The following ESRRG variants were observed in gnomAD, a reference collection of about 807,000 sequenced individuals.
ESRRG encodes the protein estrogen-related receptor gamma.
ESRRG carries 13 observed loss-of-function variants against 44.0 expected under a neutral mutation model. The observed-to-expected ratio is 0.30, with a 90% confidence interval of 0.19 to 0.47. ESRRG has a LOEUF of 0.47. Ranked by LOEUF, ESRRG falls within the 20% of genes least tolerant of loss-of-function variation. The pLI is 1.00. For missense variants in ESRRG, 395 were observed against 580.6 expected (o/e 0.68, Z 3.29); for synonymous variants, 215 against 214.6 (o/e 1.00, Z -0.02).
chr1:217,039,638 G>A (rs2083489752), intron 1 of ESRRG, among the ~76,000 whole-genome samples: 1 of 152,120 alleles, frequency 6.6e-6, no homozygotes, highest in Admixed American at 6.5e-5. Context: ...GGGAACCATG[G>A]GAGCCACAAG....
At chr1:216,829,326 C>T (rs7526618) in intron 2 of ESRRG, among the ~76,000 whole-genome samples, 89,561 of 151,872 alleles carry the variant, frequency 0.59, 26,901 homozygotes, top group Non-Finnish European at 0.63. Flanking sequence ...ACCATCAACA[C>T]GAAAGGGCCA....
At chr1:216,774,070 A>G (rs2093492628) in intron 2 of ESRRG, among the ~76,000 whole-genome samples, 1 of 152,146 alleles carries the variant, frequency 6.6e-6, no homozygotes, top group African/African-American at 2.4e-5. Flanking sequence ...ATGCGTTCAC[A>G]GCCATAGAGG....
chr1:217,117,907 C>T (rs1259930824), intron 1 of ESRRG, among the ~76,000 whole-genome samples: 2 of 152,242 alleles, frequency 1.3e-5, no homozygotes, highest in South Asian at 4.1e-4. Context: ...GTATTTAATG[C>T]TTCATCAAAA....
intron 1 of ESRRG, among the ~76,000 whole-genome samples, chr1:216,702,578 C>A (rs2081577283): frequency 1.5e-5 from 2 of 136,426 alleles, no homozygotes; most frequent in Non-Finnish European, 3.1e-5. Context: ...GCCTGGCCAA[C>A]ATGGCAAAAC....
intron 1 of ESRRG, among the ~76,000 whole-genome samples, chr1:217,026,131 A>T (rs2150971182): frequency 6.6e-6 from 1 of 152,268 alleles, no homozygotes; most frequent in South Asian, 2.1e-4. Flanking sequence ...ACTGAGCCCC[A>T]CACAACTTTC....
intron 1 of ESRRG, among the ~76,000 whole-genome samples, chr1:217,047,540 C>T (rs988398239): frequency 1.3e-5 from 2 of 152,122 alleles, no homozygotes; most frequent in African/African-American, 2.4e-5. Flanking sequence ...GTCCAAGCTA[C>T]GAATATCTTT....
At chr1:216,768,484 A>ATCTATCTATCTATCTATCTGTCTG (rs1553593223) in intron 2 of ESRRG, among the ~76,000 whole-genome samples, 4 of 151,664 alleles carry the variant, frequency 2.6e-5, no homozygotes, top group African/African-American at 9.7e-5. Context: ...CTATCTATCT[A>ATCTATCTATCTATCTATCTGTCTG]TCTATCTATC....
chr1:216,934,075 T>A (rs1342039487), intron 2 of ESRRG, among the ~76,000 whole-genome samples: 1 of 152,156 alleles, frequency 6.6e-6, no homozygotes, highest in Non-Finnish European at 1.5e-5. Context: ...TCATCCTTTC[T>A]CCCAACTCTT....
chr1:216,532,662 T>C (rs1009509718), intron 5 of ESRRG, among the ~76,000 whole-genome samples: 3 of 152,142 alleles, frequency 2.0e-5, no homozygotes, highest in Admixed American at 6.6e-5. Flanking sequence ...ATTAAGGGAC[T>C]AAATGCCTCA....
rs186480305 is a variant in ESRRG, at chr1:216,657,441, G to A, written c.473-6352C>T. 4.8e-3 allele frequency among the ~76,000 whole-genome samples: 725 copies of A among 152,204 alleles called. 4 individuals are homozygous for A. The highest frequency in any genetic ancestry group is 0.015 in the African/African-American group (642 of 41,532). ...AGCCACTTTACAAGGTATAAACAGG[G>A]TTTGGGAGGCCCTATATTATACCTC... On this transcript the variant is annotated intron_variant, in intron 2 of 6. Transcript: ENST00000408911.
At chr1:217,042,493 C>CACAA (rs1334309220) in intron 1 of ESRRG, among the ~76,000 whole-genome samples, 3 of 151,136 alleles carry the variant, frequency 2.0e-5, no homozygotes, top group Non-Finnish European at 4.4e-5. Flanking sequence ...CACACACACA[C>CACAA]ACACACACAC....
Position 216,506,516 on chromosome 1 carries a change from AT to A in ESRRG, c.*422del, listed in dbSNP as rs144848582. 136 of 381,026 alleles carry A rather than the reference AT, an allele frequency of 3.6e-4. No individual in the cohort carries two copies. Among genetic ancestry groups the A allele is most frequent in the Non-Finnish European group, 4.1e-4 (80 of 196,292 alleles). The allele number at this position is 381,026 out of a possible 1,614,324, so 23.6% of individuals were successfully genotyped here. On this transcript the variant is annotated 3_prime_UTR_variant, in exon 7 of 7. Transcript: ENST00000408911. ...AGGGAAAGGAAAGGGGGAAGGGAGG[AT>A]TTTTTTTTAAACTAAAGCTATTTCA...
intron 3 of ESRRG, among the ~76,000 whole-genome samples, chr1:216,569,576 C>T (rs575670318): frequency 1.3e-5 from 2 of 152,080 alleles, no homozygotes; most frequent in Non-Finnish European, 2.9e-5. Context: ...ATCTAGTTTC[C>T]AGACTATAAT....
At chr1:216,565,917 AG>A (rs1432716856) in intron 4 of ESRRG, among the ~76,000 whole-genome samples, 1 of 152,116 alleles carries the variant, frequency 6.6e-6, no homozygotes, top group Non-Finnish European at 1.5e-5. Context: ...TTAGATTCTC[AG>A]GATTAGAAGA....
At chr1:217,023,390 C>T (rs2080672154) in intron 1 of ESRRG, among the ~76,000 whole-genome samples, 1 of 152,086 alleles carries the variant, frequency 6.6e-6, no homozygotes, top group African/African-American at 2.4e-5. Flanking sequence ...TACATGGCAT[C>T]CAGAGGGAGT....
chr1:216,517,011 T>C (rs575102432), intron 6 of ESRRG, among the ~76,000 whole-genome samples: 3 of 152,246 alleles, frequency 2.0e-5, no homozygotes, highest in African/African-American at 7.2e-5. Flanking sequence ...ATTAAAATAG[T>C]CCTTAGAGTT....
At chr1:216,520,928 C>A (rs904351034) in intron 5 of ESRRG, among the ~76,000 whole-genome samples, 2 of 152,038 alleles carry the variant, frequency 1.3e-5, no homozygotes, top group Admixed American at 6.6e-5. Context: ...GAAACTACAG[C>A]ACAGTAAAGA....
intron 2 of ESRRG, among the ~76,000 whole-genome samples, chr1:216,673,423 G>A (rs903687887): frequency 5.3e-5 from 8 of 152,192 alleles, no homozygotes; most frequent in South Asian, 4.1e-4. Context: ...CAAGTGCTGC[G>A]CAGCTGCCAG....
At position 216,651,101 on chromosome 1, in the gene ESRRG, G is replaced by C; in HGVS notation, c.473-12C>G. 1 of 1,515,892 alleles carries C rather than the reference G, an allele frequency of 6.6e-7. No homozygotes were observed. The highest frequency in any genetic ancestry group is 9.2e-7 in the Non-Finnish European group (1 of 1,090,954). 93.9% of individuals were successfully genotyped at this position (1,515,892 alleles called of 1,614,324 possible). ...GTATTCTATATTGCCTAAAACACAA[G>C]TTTGAAGAAAAGTTGTCATATTTAC... On this transcript the variant is annotated splice_polypyrimidine_tract_variant and intron_variant, in intron 2 of 6. Coordinates refer to ENST00000408911, the MANE Select transcript of ESRRG (RefSeq NM_001438.4).
Sources: gnomAD v4.1 joint callset for allele counts (sites outside exome capture counted in the v4.1 genomes callset) on GRCh38, gnomAD v4.1.1 for gene constraint, MANE v1.5 for transcripts, NCBI Gene and HGNC (gene_info 2026-07-23, HGNC 2026-07-21) for gene names.